The following ZNF57 variants were observed in gnomAD, a reference collection of about 807,000 sequenced individuals.
The protein encoded by ZNF57 is zinc finger protein 57.
A neutral mutation model predicts 13.4 loss-of-function variants in ZNF57; 11 were observed. The ratio of observed to expected loss-of-function variants is 0.82; its 90% CI spans 0.52 to 1.36. The LOEUF is 1.36. ZNF57 is among the 40% of genes most tolerant of loss of function. The pLI is 0.00. For missense variants in ZNF57, 696 were observed against 667.5 expected (o/e 1.04, Z -0.47); for synonymous variants, 224 against 238.5 (o/e 0.94, Z 0.56).
intron 1 of ZNF57, among the ~76,000 whole-genome samples, chr19:2,907,748 C>T (rs962656845): frequency 1.5e-4 from 23 of 152,228 alleles, no homozygotes; most frequent in African/African-American, 5.3e-4. Context: ...GGATCTCACT[C>T]TGTTGCCCAG....
rs781074690 is a variant in ZNF57, at chr19:2,917,012, A to G, written c.391A>G (p.Lys131Glu). Residue 131 changes from lysine to glutamate, a missense_variant, in exon 4 of 4, where the codon AAG (lysine) becomes GAG (glutamate). Physicochemically the swap from Lys to Glu is moderately conservative, Grantham distance 56. Coordinates refer to ENST00000306908, the MANE Select transcript of ZNF57 (RefSeq NM_173480.3). The part of the protein sequence containing the change: ...IHQMPDLTLH[K>E]KVSAGEKPYE... ...TCAAATGCCAGATCTTACCCTGCAC[A>G]AGAAAGTTTCTGCTGGAGAAAAACC... 3.1e-6 allele frequency: 5 copies of G among 1,614,094 alleles called. No homozygotes were observed. In the South Asian group the frequency reaches 3.3e-5, roughly 11 times the overall value.
intron 1 of ZNF57, 194 bp from the exon 2 acceptor site, chr19:2,915,328 G>T: frequency 1.6e-6 from 1 of 628,528 alleles, no homozygotes; most frequent in Non-Finnish European, 2.6e-6. Flanking sequence ...AAAAGGCAGA[G>T]ATAAGTTCAG....
At chr19:2,902,167 G>T (rs1390042608) in intron 1 of ZNF57, among the ~76,000 whole-genome samples, 1 of 148,428 alleles carries the variant, frequency 6.7e-6, no homozygotes, top group East Asian at 2.0e-4. Context: ...ACAGGGGACA[G>T]CTTGGGGGGA....
chr19:2,909,284 T>TTTTG (rs1555677935), intron 1 of ZNF57, among the ~76,000 whole-genome samples: 1 of 131,006 alleles, frequency 7.6e-6, no homozygotes, highest in Non-Finnish European at 1.7e-5. Flanking sequence ...TATTTTTGTT[T>TTTTG]TTTTTTTTTT....
intron 1 of ZNF57, among the ~76,000 whole-genome samples, chr19:2,903,095 G>C (rs1310792885): frequency 6.6e-6 from 1 of 152,230 alleles, no homozygotes; most frequent in Admixed American, 6.5e-5. Flanking sequence ...TGCTGATTGA[G>C]GCTGCTGAGC....
At chr19:2,909,303 CAG>C (rs2088111215) in intron 1 of ZNF57, among the ~76,000 whole-genome samples, 1 of 40,838 alleles carries the variant, frequency 2.4e-5, no homozygotes, top group Non-Finnish European at 5.4e-5. Flanking sequence ...TTTTTTGAGA[CAG>C]AGTCTCGCTC....
intron 2 of ZNF57, 188 bp downstream of exon 2, chr19:2,915,836 G>A (rs180888737): frequency 1.8e-6 from 2 of 1,113,520 alleles, no homozygotes; most frequent in East Asian, 2.6e-5. Flanking sequence ...TTCTGTCTTG[G>A]TTTAAAGGAC....
chr19:2,916,477 C>G (rs571574814), intron 3 of ZNF57: 2 of 369,216 alleles, frequency 5.4e-6, no homozygotes, highest in South Asian at 4.6e-5. Context: ...CTTTGGGAGG[C>G]TGAGGCAGGC....
Position 2,901,040 on chromosome 19 carries a change from G to T in ZNF57, c.-6G>T. 6.4e-7 allele frequency: 1 copy of T among 1,560,740 alleles called. No individual in the cohort carries two copies. Among genetic ancestry groups the T allele is most frequent in the East Asian group, 2.3e-5 (1 of 42,586 alleles). On this transcript the variant is annotated 5_prime_UTR_variant, in exon 1 of 4. Transcript: ENST00000306908. ...TCGCCTTGGAGAGCCCAGGAGCAGG[G>T]GAGACATGGTGAGTGCGAGGCAGGA...
chr19:2,907,267 T>C (rs958499254), intron 1 of ZNF57: 7 of 152,198 alleles, frequency 4.6e-5, no homozygotes, highest in African/African-American at 1.7e-4. Context: ...CCTGGGCTGC[T>C]GCTTCAAATA....
At chr19:2,915,472 G>T (rs1352027499) in intron 1 of ZNF57, 50 bp from the exon 2 acceptor site, 1 of 1,594,760 alleles carries the variant, frequency 6.3e-7, no homozygotes, top group South Asian at 1.1e-5. Flanking sequence ...CAGTTCCCCA[G>T]TACTTTCAGT....
chr19:2,905,931 C>T (rs1451943603), intron 1 of ZNF57, among the ~76,000 whole-genome samples: 1 of 152,108 alleles, frequency 6.6e-6, no homozygotes, highest in Non-Finnish European at 1.5e-5. Context: ...TATTCAAACC[C>T]CAGATCGGTC....
intron 1 of ZNF57, among the ~76,000 whole-genome samples, chr19:2,911,639 G>A (rs1386558396): frequency 1.3e-5 from 2 of 152,066 alleles, no homozygotes; most frequent in East Asian, 3.9e-4. Flanking sequence ...TCCCGCCCCA[G>A]CCTCCCAAAA....
At chr19:2,915,822 TTA>T in intron 2 of ZNF57, 174 bp downstream of exon 2, 2 of 1,164,686 alleles carry the variant, frequency 1.7e-6, no homozygotes, top group South Asian at 1.3e-5. Context: ...GAAACAGATG[TTA>T]TTTCTGTCTT....
At chr19:2,911,548 C>A (rs575547962) in intron 1 of ZNF57, among the ~76,000 whole-genome samples, 1 of 149,804 alleles carries the variant, frequency 6.7e-6, no homozygotes, top group South Asian at 2.1e-4. Context: ...CAAAAAAAAA[C>A]GACAACAAAA....
chr19:2,906,943 A>T (rs915319190), intron 1 of ZNF57, among the ~76,000 whole-genome samples: 1 of 152,018 alleles, frequency 6.6e-6, no homozygotes, highest in South Asian at 2.1e-4. Flanking sequence ...GTCTTGCACC[A>T]GATCCCCATG....
chr19:2,915,428 C>G (rs1241025129), intron 1 of ZNF57, 94 bp from the exon 2 acceptor site: 1 of 1,528,290 alleles, frequency 6.5e-7, no homozygotes, highest in Non-Finnish European at 8.9e-7. Flanking sequence ...TGTTGGGACA[C>G]CACAGAATCT....
At position 2,916,255 on chromosome 19, in the gene ZNF57, T is replaced by C. The variant is rs2088193949; in HGVS notation, c.302+6T>C. On this transcript the variant is annotated splice_donor_region_variant and intron_variant, in intron 3 of 3. Transcript: ENST00000306908. Reference sequence around the variant, plus strand: ...GACCACCACAAAAATCTGAGGTGAGTTGCACTCACAAGAGAAAAATCCTTG... The same window carrying C: ...GACCACCACAAAAATCTGAGGTGAGCTGCACTCACAAGAGAAAAATCCTTG... 1.3e-6 allele frequency: 2 copies of C among 1,594,734 alleles called. No homozygotes were observed. The highest frequency in any genetic ancestry group is 2.2e-5 in the East Asian group (1 of 44,578).
At position 2,915,240 on chromosome 19, in the gene ZNF57, T is replaced by G. The variant is rs537459460; in HGVS notation, c.4-282T>G. ...GAGGCCTGCTGCGTTATGCAACGTT[T>G]CAAATGGAAAAGTTACTTCATTTGC... On this transcript the variant is annotated intron_variant, in intron 1 of 3. Transcript: ENST00000306908. 1.7e-5 allele frequency: 5 copies of G among 286,594 alleles called. No homozygotes were observed. The East Asian group carries it at 3.0e-4, about 17-fold the overall frequency. The allele number at this position is 286,594 out of a possible 1,614,324, so 17.8% of individuals were successfully genotyped here. A position where few individuals can be genotyped will look rare whatever the true frequency, so the allele number is the denominator to read the frequency against.
Sources: allele counts gnomAD v4.1 joint callset (sites outside exome capture counted in the v4.1 genomes callset), GRCh38; gene constraint gnomAD v4.1.1; transcripts MANE v1.5; gene names NCBI Gene and HGNC (gene_info 2026-07-23, HGNC 2026-07-21).